TMEFF2: variants seen among roughly 807,000 people sequenced by gnomAD.
The protein encoded by TMEFF2 is transmembrane protein with EGF like and two follistatin like domains 2.
In TMEFF2, 28 loss-of-function variants were observed where a neutral mutation model predicts 53.8. That is an observed-to-expected ratio of 0.52 (90% CI 0.39 to 0.71). The LOEUF is 0.71. Ranked by LOEUF, TMEFF2 falls within the 30% of genes least tolerant of loss-of-function variation. The pLI is 0.00. For synonymous variants in TMEFF2, 162 were observed against 166.3 expected (o/e 0.97, Z 0.20); for missense variants, 353 against 455.2 (o/e 0.78, Z 2.04).
At chr2:192,077,320 A>T (rs1471765604) in intron 4 of TMEFF2, among the ~76,000 whole-genome samples, 1 of 152,200 alleles carries the variant, frequency 6.6e-6, no homozygotes, top group Non-Finnish European at 1.5e-5. Context: ...CAAGTACTCC[A>T]TTATGATGAT....
At chr2:192,124,788 G>A (rs565991227) in intron 4 of TMEFF2, among the ~76,000 whole-genome samples, 1 of 152,228 alleles carries the variant, frequency 6.6e-6, no homozygotes, top group East Asian at 1.9e-4. Context: ...AAAACTAAGA[G>A]GAAACATTCT....
intron 5 of TMEFF2, among the ~76,000 whole-genome samples, chr2:192,056,859 TAAG>T (rs1244652510): frequency 3.3e-5 from 5 of 152,150 alleles, no homozygotes; most frequent in Non-Finnish European, 5.9e-5. Flanking sequence ...GAAGCTTCAG[TAAG>T]AAGAAGGCTA....
intron 4 of TMEFF2, among the ~76,000 whole-genome samples, chr2:192,145,608 C>G (rs986732693): frequency 4.0e-5 from 6 of 151,852 alleles, no homozygotes; most frequent in Admixed American, 3.9e-4. Flanking sequence ...GGCTCTTCTG[C>G]ATAATTGAAA....
intron 2 of TMEFF2, among the ~76,000 whole-genome samples, chr2:192,184,761 T>A (rs868339598): frequency 6.6e-6 from 1 of 152,052 alleles, no homozygotes; most frequent in Middle Eastern, 3.2e-3. Context: ...ACAATAAAGA[T>A]ATAGGAATAA....
At chr2:192,067,534 GTCTT>G (rs1450849740) in intron 4 of TMEFF2, among the ~76,000 whole-genome samples, 4 of 151,824 alleles carry the variant, frequency 2.6e-5, no homozygotes, top group Admixed American at 6.6e-5. Flanking sequence ...GAAGACCTAA[GTCTT>G]TCTAAGTCTT....
At chr2:192,082,825 A>G (rs997516764) in intron 4 of TMEFF2, among the ~76,000 whole-genome samples, 1 of 152,132 alleles carries the variant, frequency 6.6e-6, no homozygotes, top group African/African-American at 2.4e-5. Flanking sequence ...ATTTTCAACC[A>G]TAAAATATGT....
At chr2:192,179,404 A>C (rs1046630470) in intron 4 of TMEFF2, 3 of 380,636 alleles carry the variant, frequency 7.9e-6, no homozygotes, top group Admixed American at 4.6e-5. Flanking sequence ...ATGCCTATCC[A>C]TATCAAAGAT....
chr2:192,025,815 G>C (rs1686957721), intron 5 of TMEFF2, among the ~76,000 whole-genome samples: 1 of 152,136 alleles, frequency 6.6e-6, no homozygotes, highest in Non-Finnish European at 1.5e-5. Flanking sequence ...GATCCACAAG[G>C]GGGAGATACA....
chr2:192,135,386 C>G (rs1224070636), intron 4 of TMEFF2, among the ~76,000 whole-genome samples: 1 of 70,846 alleles, frequency 1.4e-5, no homozygotes, highest in Non-Finnish European at 4.1e-5. Flanking sequence ...TGTTTTTCTC[C>G]TTCTCTTATT....
intron 4 of TMEFF2, among the ~76,000 whole-genome samples, chr2:192,098,535 A>G (rs1047662453): frequency 6.6e-6 from 1 of 152,220 alleles, no homozygotes; most frequent in African/African-American, 2.4e-5. Flanking sequence ...TTTACGAATA[A>G]GGGAGAACCA....
chr2:192,177,989 G>C (rs1691092807), intron 4 of TMEFF2: 1 of 150,820 alleles, frequency 6.6e-6, no homozygotes, highest in African/African-American at 2.4e-5. Context: ...CAGTATGGTA[G>C]GATAGTCAAG....
At chr2:192,132,472 T>G (rs1019357958) in intron 4 of TMEFF2, among the ~76,000 whole-genome samples, 2 of 152,030 alleles carry the variant, frequency 1.3e-5, no homozygotes, top group Non-Finnish European at 2.9e-5. Flanking sequence ...AATCTGCTCC[T>G]GACATTAAAT....
chr2:192,078,196 A>G (rs1688476937), intron 4 of TMEFF2, among the ~76,000 whole-genome samples: 1 of 152,146 alleles, frequency 6.6e-6, no homozygotes, highest in Non-Finnish European at 1.5e-5. Context: ...TACTGGCCAT[A>G]TGTCTTTGGG....
intron 4 of TMEFF2, among the ~76,000 whole-genome samples, chr2:192,081,229 G>A (rs1162859618): frequency 6.6e-6 from 1 of 152,206 alleles, no homozygotes; most frequent in Non-Finnish European, 1.5e-5. Flanking sequence ...AAAATGCAGT[G>A]TGCTTTGTAA....
At chr2:192,145,873 AC>A (rs1211775322) in intron 4 of TMEFF2, among the ~76,000 whole-genome samples, 1 of 152,054 alleles carries the variant, frequency 6.6e-6, no homozygotes, top group East Asian at 1.9e-4. Flanking sequence ...ACTTGTTCTT[AC>A]CATGTCAATG....
chr2:192,106,309 T>C (rs563250252), intron 4 of TMEFF2, among the ~76,000 whole-genome samples: 1 of 151,900 alleles, frequency 6.6e-6, no homozygotes, highest in African/African-American at 2.4e-5. Flanking sequence ...ACATAAACTA[T>C]GTACTACTTT....
intron 4 of TMEFF2, among the ~76,000 whole-genome samples, chr2:192,142,341 A>G (rs751135420): frequency 6.6e-6 from 1 of 152,072 alleles, no homozygotes. Context: ...AAGATCTGGC[A>G]TATTTTTCAA....
At chr2:192,052,446 G>A (rs1687794940) in intron 5 of TMEFF2, among the ~76,000 whole-genome samples, 1 of 152,172 alleles carries the variant, frequency 6.6e-6, no homozygotes, top group South Asian at 2.1e-4. Flanking sequence ...AGAGAAAAGA[G>A]TTTCCACTGA....
At chr2:192,184,147 T>C (rs2106039897) in intron 3 of TMEFF2, among the ~76,000 whole-genome samples, 1 of 152,222 alleles carries the variant, frequency 6.6e-6, no homozygotes, top group South Asian at 2.1e-4. Flanking sequence ...CCAGTGTCCT[T>C]ATGGTAGATA....
Sources: allele counts gnomAD v4.1 joint callset (sites outside exome capture counted in the v4.1 genomes callset), GRCh38; gene constraint gnomAD v4.1.1; transcripts MANE v1.5; gene names NCBI Gene and HGNC (gene_info 2026-07-23, HGNC 2026-07-21).